Variants in PLCB1 observed in about 807,000 individuals in gnomAD.
The protein encoded by PLCB1 is phospholipase C beta 1, also known as 1-phosphatidylinositol 4,5-bisphosphate phosphodiesterase beta-1.
Under a neutral mutation model 161.8 loss-of-function variants are expected in PLCB1, and 46 were observed. That is an observed-to-expected ratio of 0.28 (90% CI 0.22 to 0.36). PLCB1 has a LOEUF of 0.36. Among genes scored for constraint, PLCB1 ranks in the 10% least tolerant of loss-of-function variants. PLCB1 has a pLI of 1.00. For synonymous variants in PLCB1, 517 were observed against 503.7 expected, an observed-to-expected ratio of 1.03 and a Z score of -0.35; for missense variants, 1,016 against 1,472.5, an observed-to-expected ratio of 0.69 and a Z score of 5.07.
At chr20:8,553,228 T>A (rs557593039) in intron 3 of PLCB1, among the ~76,000 whole-genome samples, 5 of 152,300 alleles carry the variant, frequency 3.3e-5, no homozygotes, top group African/African-American at 1.2e-4. Flanking sequence ...CTTGCAAGTG[T>A]GAAAAGGCAA....
intron 31 of PLCB1, among the ~76,000 whole-genome samples, chr20:8,814,191 G>T (rs1367454962): frequency 6.6e-6 from 1 of 152,136 alleles, no homozygotes; most frequent in African/African-American, 2.4e-5. Context: ...TGTGAAAAAG[G>T]TATTGTGTGA....
intron 31 of PLCB1, among the ~76,000 whole-genome samples, chr20:8,842,084 T>C (rs1448242780): frequency 6.6e-6 from 1 of 152,104 alleles, no homozygotes; most frequent in Non-Finnish European, 1.5e-5. Context: ...AAGGAAATGA[T>C]GACATCAGTG....
intron 3 of PLCB1, among the ~76,000 whole-genome samples, chr20:8,439,192 A>G (rs1489261436): frequency 1.3e-5 from 2 of 152,176 alleles, no homozygotes; most frequent in African/African-American, 4.8e-5. Context: ...ATTGCCAACA[A>G]CTTACTGTAG....
rs1350814000 is a variant in PLCB1 at position 8,445,541 on chromosome 20, G to A, written c.246+74091G>A. Among the ~76,000 whole-genome samples, 8 of 151,776 alleles carry A rather than the reference G, an allele frequency of 5.3e-5. No individual in the cohort carries two copies. In the East Asian group the frequency reaches 1.5e-3, roughly 29 times the overall value. ...ACTTGGCAATGCGGGCTCTTTTTTGGTTCCATATGAACTTTAAAGTAGTTT... is the reference window on the plus strand; with the variant it reads ...ACTTGGCAATGCGGGCTCTTTTTTGATTCCATATGAACTTTAAAGTAGTTT... On this transcript the variant is annotated intron_variant, in intron 3 of 31. Coordinates refer to ENST00000338037, the MANE Select transcript of PLCB1 (RefSeq NM_015192.4).
At chr20:8,533,681 C>T (rs1429106045) in intron 3 of PLCB1, among the ~76,000 whole-genome samples, 2 of 149,652 alleles carry the variant, frequency 1.3e-5, no homozygotes, top group East Asian at 2.0e-4. Flanking sequence ...AGTGTCTGTT[C>T]GTGTCCTTCA....
intron 31 of PLCB1, among the ~76,000 whole-genome samples, chr20:8,841,555 A>C (rs577778030): frequency 2.0e-5 from 3 of 152,324 alleles, no homozygotes; most frequent in Admixed American, 6.5e-5. Context: ...TTGAATATCA[A>C]GTTTTTTCTG....
intron 31 of PLCB1, among the ~76,000 whole-genome samples, chr20:8,821,550 TA>T (rs1427117454): frequency 9.9e-5 from 10 of 100,536 alleles, no homozygotes; most frequent in Non-Finnish European, 1.6e-4. Context: ...TATATATATA[TA>T]TATATATTTA....
chr20:8,532,928 A>G (rs1984872809), intron 3 of PLCB1, among the ~76,000 whole-genome samples: 1 of 152,000 alleles, frequency 6.6e-6, no homozygotes, highest in Non-Finnish European at 1.5e-5. Flanking sequence ...TTAGTTACAT[A>G]TGTATACATG....
At chr20:8,242,630 A>AG (rs1980679751) in intron 2 of PLCB1, among the ~76,000 whole-genome samples, 1 of 151,968 alleles carries the variant, frequency 6.6e-6, no homozygotes, top group African/African-American at 2.4e-5. Context: ...ATAGAGGCCT[A>AG]GGGATACATT....
chr20:8,805,001 C>CAAAAAAAAA (rs3033880), intron 31 of PLCB1, among the ~76,000 whole-genome samples: 2 of 90,998 alleles, frequency 2.2e-5, no homozygotes, highest in Non-Finnish European at 2.1e-5. Context: ...AACTCCATCT[C>CAAAAAAAAA]AAAAAAAAAA....
intron 3 of PLCB1, among the ~76,000 whole-genome samples, chr20:8,529,909 T>C (rs1252460331): frequency 6.6e-6 from 1 of 152,122 alleles, no homozygotes; most frequent in East Asian, 1.9e-4. Context: ...TTGTATGCTA[T>C]GAGTATTTTC....
At chr20:8,460,643 G>T (rs1367694347) in intron 3 of PLCB1, among the ~76,000 whole-genome samples, 1 of 152,294 alleles carries the variant, frequency 6.6e-6, no homozygotes, top group South Asian at 2.1e-4. Context: ...TGAATGTAAA[G>T]TTCTTTATGT....
chr20:8,414,892 G>C (rs779216741), intron 3 of PLCB1, among the ~76,000 whole-genome samples: 33 of 150,938 alleles, frequency 2.2e-4, no homozygotes, highest in South Asian at 1.1e-3. Context: ...TAGAAATATA[G>C]CATCTTGGCT....
At chr20:8,219,758 C>T (rs550457954) in intron 2 of PLCB1, among the ~76,000 whole-genome samples, 1 of 152,134 alleles carries the variant, frequency 6.6e-6, no homozygotes, top group Non-Finnish European at 1.5e-5. Context: ...TGACCCATTT[C>T]TCCCACAAAT....
At chr20:8,759,878 T>TG (rs1219334554) in intron 24 of PLCB1, among the ~76,000 whole-genome samples, 1 of 146,716 alleles carries the variant, frequency 6.8e-6, no homozygotes, top group East Asian at 2.0e-4. Context: ...TCGTTATAAA[T>TG]GGGGCATATA....
intron 3 of PLCB1, among the ~76,000 whole-genome samples, chr20:8,582,666 C>T (rs1986870572): frequency 6.6e-6 from 1 of 152,000 alleles, no homozygotes; most frequent in African/African-American, 2.4e-5. Context: ...TGGAGTATAT[C>T]CATACAATGT....
intron 4 of PLCB1, among the ~76,000 whole-genome samples, chr20:8,629,442 G>A (rs1988458828): frequency 2.0e-5 from 3 of 152,142 alleles, no homozygotes; most frequent in African/African-American, 7.2e-5. Flanking sequence ...CTGGATTCAA[G>A]TGCAATGCTT....
intron 2 of PLCB1, among the ~76,000 whole-genome samples, chr20:8,263,727 G>GTATC (rs2123247583): frequency 6.6e-6 from 1 of 152,222 alleles, no homozygotes; most frequent in Admixed American, 6.5e-5. Flanking sequence ...GTATCTAAAT[G>GTATC]TATGTAAACA....
At chr20:8,136,610 AGC>A (rs1439747587) in intron 1 of PLCB1, among the ~76,000 whole-genome samples, 3 of 147,294 alleles carry the variant, frequency 2.0e-5, no homozygotes, top group Admixed American at 1.4e-4. Flanking sequence ...TGGGCGACAG[AGC>A]AAGACTCTGT....
Sources: gnomAD v4.1 joint callset for allele counts (sites outside exome capture counted in the v4.1 genomes callset) on GRCh38, gnomAD v4.1.1 for gene constraint, MANE v1.5 for transcripts, NCBI Gene and HGNC (gene_info 2026-07-23, HGNC 2026-07-21) for gene names.